The following ENPP1 variants were observed in gnomAD, a reference collection of about 807,000 sequenced individuals.
ENPP1 encodes the protein ectonucleotide pyrophosphatase/phosphodiesterase family member 1.
In ENPP1, 73 loss-of-function variants were observed where a neutral mutation model predicts 122.8. That is an observed-to-expected ratio of 0.59 (90% CI 0.49 to 0.72). ENPP1 has a LOEUF of 0.72. ENPP1 is among the 30% of genes least tolerant of loss of function. ENPP1 has a pLI of 0.00. For synonymous variants in ENPP1, 367 were observed against 391.6 expected (o/e 0.94, Z 0.74); for missense variants, 978 against 1,128.1 (o/e 0.87, Z 1.91).
intron 1 of ENPP1, chr6:131,819,955 G>A (rs370946638): frequency 2.7e-5 from 11 of 406,772 alleles, no homozygotes; most frequent in African/African-American, 2.2e-4. Flanking sequence ...TTTTTTTTTC[G>A]CATCTTGCTG....
At chr6:131,872,148 A>G (rs1443483770) in intron 14 of ENPP1, 47 bp downstream of exon 14, 2 of 1,292,684 alleles carry the variant, frequency 1.5e-6, no homozygotes, top group Admixed American at 3.4e-5. Context: ...ACTTTTGTAT[A>G]ATATATATTG....
chr6:131,862,931 G>A lies in ENPP1; in HGVS notation c.1025+1227G>A, dbSNP rs552007771. ...GTGTGTGTGTTTTTTTTTTCTGGGCGGTGGGGAAGGGCTATTACCAACTTT... is the reference window on the plus strand; with the variant it reads ...GTGTGTGTGTTTTTTTTTTCTGGGCAGTGGGGAAGGGCTATTACCAACTTT... On this transcript the variant is annotated intron_variant, in intron 9 of 24. Transcript: ENST00000647893. Among the ~76,000 whole-genome samples the A allele has an allele frequency of 1.3e-3, 204 of 151,920 alleles. 1 individual carries two copies. The highest frequency in any genetic ancestry group is 5.0e-3 in the Admixed American group (76 of 15,258).
At chr6:131,846,601 C>T (rs558936830) in intron 1 of ENPP1, among the ~76,000 whole-genome samples, 4 of 152,282 alleles carry the variant, frequency 2.6e-5, no homozygotes, top group African/African-American at 4.8e-5. Context: ...ACTTTGCAGG[C>T]GGTTTGTAGG....
At position 131,886,681 on chromosome 6, in the gene ENPP1, C is replaced by T. The variant is rs145159778; in HGVS notation, c.2564C>T (p.Ala855Val). ...PLHCENLDTL[A>V]FILPHRTDNS... is the part of the protein sequence containing the mutation. ...CACTGTGAAAACCTAGACACCTTAGCTTTCATTTTGCCTCACAGGACTGAT... is the reference window on the plus strand; with the variant it reads ...CACTGTGAAAACCTAGACACCTTAGTTTTCATTTTGCCTCACAGGACTGAT... The change falls in exon 24 of 25, where the codon GCT becomes GTT. Residue 855 changes from alanine to valine, a missense_variant. Around this residue, in one of 3 missense-constraint regions of ENPP1, gnomAD observed 644 missense variants for 781.5 expected, o/e 0.82. Transcript: ENST00000647893. 6.2e-7 allele frequency: 1 copy of T among 1,613,910 alleles called. No individual in the cohort carries two copies. The highest frequency in any genetic ancestry group is 1.3e-5 in the African/African-American group (1 of 74,914).
intron 12 of ENPP1, among the ~76,000 whole-genome samples, chr6:131,869,099 C>G (rs928906536): frequency 6.6e-6 from 1 of 152,132 alleles, no homozygotes; most frequent in East Asian, 1.9e-4. Context: ...ATAAGACATT[C>G]TTCTTTGCTC....
chr6:131,852,224 G>T lies in ENPP1; in HGVS notation c.606G>T (p.Gln202His). 6.2e-7 allele frequency: 1 copy of T among 1,602,618 alleles called. No individual in the cohort carries two copies. Among genetic ancestry groups the T allele is most frequent in the Non-Finnish European group, 8.5e-7 (1 of 1,173,462 alleles). ...EEPCESINEP[Q>H]CPAGFETPPT... is the part of the protein sequence containing the mutation. ...CATGTGAGAGCATTAATGAGCCACA[G>T]TGCCCAGCAGGGTAAGATTATATTC... The change falls in exon 5 of 25, where the codon CAG (glutamine) becomes CAT (histidine). Residue 202 changes from glutamine to histidine, a missense_variant. Gln to His is a conservative substitution (Grantham distance 24, BLOSUM62 0). This residue lies in a region of ENPP1 where 330 missense variants were observed against 328.5 expected (regional missense o/e 1.00). Coordinates refer to ENST00000647893, the MANE Select transcript of ENPP1 (RefSeq NM_006208.3).
At chr6:131,868,192 C>T in intron 12 of ENPP1, 66 bp downstream of exon 12, 1 of 1,223,932 alleles carries the variant, frequency 8.2e-7, no homozygotes, top group Non-Finnish European at 1.2e-6. Context: ...TTGATGGTTT[C>T]CCAATTTTTT....
chr6:131,881,772 C>T (rs2114726023), intron 20 of ENPP1, among the ~76,000 whole-genome samples: 1 of 151,930 alleles, frequency 6.6e-6, no homozygotes, highest in South Asian at 2.1e-4. Context: ...AATCCCAGCA[C>T]TTTGAGGGGG....
chr6:131,826,570 T>C, intron 1 of ENPP1: 1 of 1,221,388 alleles, frequency 8.2e-7, no homozygotes, highest in Non-Finnish European at 1.2e-6. Flanking sequence ...ATGCAAATTA[T>C]TCAGGCTGAA....
intron 6 of ENPP1, among the ~76,000 whole-genome samples, chr6:131,857,662 A>AG (rs1195678617): frequency 9.9e-5 from 15 of 151,400 alleles, no homozygotes; most frequent in African/African-American, 3.4e-4. Context: ...GGGTGGGGTG[A>AG]GGGGGGAGCG....
intron 1 of ENPP1, among the ~76,000 whole-genome samples, chr6:131,823,537 A>G (rs1781507224): frequency 6.6e-6 from 1 of 152,082 alleles, no homozygotes; most frequent in Non-Finnish European, 1.5e-5. Context: ...TCAGCCTTGT[A>G]CAGTTCTCCA....
chr6:131,892,248 G>A lies in ENPP1; in HGVS notation c.*1737G>A, dbSNP rs1782480673. ...TTAGGTATTATGTTATGAGACTATG[G>A]GTCTTATTTAAACCTTCTGCTTTAG... is the stretch of plus-strand genomic sequence containing the variant. On this transcript the variant is annotated 3_prime_UTR_variant, in exon 25 of 25. Transcript: ENST00000647893. 1 of 151,996 alleles carries A rather than the reference G, an allele frequency of 6.6e-6. No homozygotes were observed. Among genetic ancestry groups the A allele is most frequent in the Non-Finnish European group, 1.5e-5 (1 of 67,998 alleles). The allele number at this position is 151,996 out of a possible 1,614,324, so 9.4% of individuals were successfully genotyped here. A position where few individuals can be genotyped will look rare whatever the true frequency, so the allele number is the denominator to read the frequency against.
At chr6:131,815,046 G>C (rs574941979) in intron 1 of ENPP1, among the ~76,000 whole-genome samples, 2 of 152,298 alleles carry the variant, frequency 1.3e-5, no homozygotes, top group South Asian at 4.1e-4. Context: ...ACATAGAGAT[G>C]ACACTTGGGT....
intron 1 of ENPP1, among the ~76,000 whole-genome samples, chr6:131,833,161 T>TA (rs1562514179): frequency 1.3e-5 from 2 of 152,214 alleles, no homozygotes; most frequent in African/African-American, 4.8e-5. Flanking sequence ...GAAAGGAACT[T>TA]ACACTTCTGT....
chr6:131,872,028 G>A, intron 13 of ENPP1, 42 bp from the exon 14 acceptor site: 1 of 1,375,416 alleles, frequency 7.3e-7, no homozygotes, highest in Non-Finnish European at 1.0e-6. Flanking sequence ...TTTAATTATA[G>A]TATACAATCA....
intron 7 of ENPP1, 119 bp downstream of exon 7, chr6:131,858,866 T>C: frequency 6.4e-6 from 5 of 781,466 alleles, no homozygotes; most frequent in Non-Finnish European, 8.8e-6. Context: ...GGTAGTTAAG[T>C]AAGGAAACCC....
chr6:131,886,535 TA>T, intron 23 of ENPP1, 26 bp from the exon 24 acceptor site: 1 of 1,562,352 alleles, frequency 6.4e-7, no homozygotes, highest in Non-Finnish European at 8.8e-7. Flanking sequence ...ATTTCTTTCT[TA>T]AAATGAATAT....
In ENPP1 at chr6:131,852,174, G is replaced by A. The variant is rs1320905778; in HGVS notation, c.557-1G>A. The A allele has an allele frequency of 2.5e-6, 4 of 1,588,954 alleles. No homozygotes were observed. The highest frequency in any genetic ancestry group is 2.6e-6 in the Non-Finnish European group (3 of 1,159,474). ...ATTTTATTTTCTTGAAAATATTTTA[G>A]GTGAGAAAAGTTGGGTAGAAGAACC... On this transcript the variant is annotated splice_acceptor_variant, in intron 4 of 24. Transcript: ENST00000647893. LOFTEE classifies it high-confidence loss of function.
At position 131,893,030 on chromosome 6, in the gene ENPP1, C is replaced by T. The variant is rs1239686594; in HGVS notation, c.*2519C>T. 6.6e-6 allele frequency: 1 copy of T among 152,116 alleles called. No homozygotes were observed. Among genetic ancestry groups the T allele is most frequent in the Non-Finnish European group, 1.5e-5 (1 of 68,024 alleles). 9.4% of individuals were successfully genotyped at this position (152,116 alleles called of 1,614,324 possible). A position where few individuals can be genotyped will look rare whatever the true frequency, so the allele number is the denominator to read the frequency against. ...GTGTTGTTACTTGGGCCCCAATGTT[C>T]CTAGCCTATTTTCTGTCTACTATTC... On this transcript the variant is annotated 3_prime_UTR_variant, in exon 25 of 25. Coordinates refer to ENST00000647893, the MANE Select transcript of ENPP1 (RefSeq NM_006208.3).
Sources: gnomAD v4.1 joint callset for allele counts (sites outside exome capture counted in the v4.1 genomes callset) on GRCh38, gnomAD v4.1.1 for gene constraint, gnomAD v4.1.1 regional missense constraint, MANE v1.5 for transcripts, NCBI Gene and HGNC (gene_info 2026-07-23, HGNC 2026-07-21) for gene names.